The following CFAP95 variants were observed in gnomAD, a reference collection of about 807,000 sequenced individuals.
CFAP95 encodes cilia- and flagella-associated protein 95.
the CFAP95 span, among the ~76,000 whole-genome samples, chr9:69,868,227 T>A: frequency 6.6e-6 from 1 of 151,912 alleles, no homozygotes; most frequent in East Asian, 1.9e-4. Flanking sequence ...ACTCCTAGAA[T>A]AAAACATAGA....
the CFAP95 span, chr9:69,906,117 G>A: frequency 6.2e-7 from 1 of 1,601,100 alleles, no homozygotes; most frequent in Non-Finnish European, 8.5e-7. Context: ...TTGACTAGTG[G>A]GCCTATTGTG....
At chr9:69,855,581 G>A in the CFAP95 span, among the ~76,000 whole-genome samples, 16 of 152,152 alleles carry the variant, frequency 1.1e-4, no homozygotes, top group Admixed American at 1.0e-3. Context: ...TGGCTGGGAG[G>A]ATAGTCATTC....
chr9:69,882,377 T>C, the CFAP95 span, among the ~76,000 whole-genome samples: 1 of 152,340 alleles, frequency 6.6e-6, no homozygotes, highest in African/African-American at 2.4e-5. Flanking sequence ...AAATATAAGA[T>C]CATGTCATGT....
the CFAP95 span, among the ~76,000 whole-genome samples, chr9:69,871,409 T>C: frequency 6.6e-6 from 1 of 152,024 alleles, no homozygotes; most frequent in East Asian, 1.9e-4. Context: ...TGAAAGGTTT[T>C]TGAGCATACG....
the CFAP95 span, among the ~76,000 whole-genome samples, chr9:69,892,764 A>G: frequency 2.0e-5 from 3 of 152,202 alleles, no homozygotes; most frequent in Non-Finnish European, 2.9e-5. Context: ...GCAGTCAGAC[A>G]TTGGAGAGAA....
the CFAP95 span, among the ~76,000 whole-genome samples, chr9:69,850,078 C>T: frequency 6.6e-6 from 1 of 152,132 alleles, no homozygotes; most frequent in African/African-American, 2.4e-5. Context: ...GCATGTGAGG[C>T]TGATACTAAA....
chr9:69,843,508 TCCTC>T, the CFAP95 span, among the ~76,000 whole-genome samples: 1 of 814 alleles, frequency 1.2e-3, no homozygotes, highest in Admixed American at 0.015. Flanking sequence ...CCTCCCCCCC[TCCTC>T]CTCCTCCTCC....
chr9:69,892,747 A>T, the CFAP95 span, among the ~76,000 whole-genome samples: 1 of 152,226 alleles, frequency 6.6e-6, no homozygotes, highest in South Asian at 2.1e-4. Context: ...AGGAGAGAAG[A>T]GAAAAAGCAG....
At chr9:69,905,938 CT>C in the CFAP95 span, 25 of 1,487,042 alleles carry the variant, frequency 1.7e-5, no homozygotes, top group African/African-American at 1.6e-4. Flanking sequence ...TATTATTTCT[CT>C]TTTTTCCCCC....
At chr9:69,856,855 T>A in the CFAP95 span, among the ~76,000 whole-genome samples, 1 of 152,030 alleles carries the variant, frequency 6.6e-6, no homozygotes, top group Admixed American at 6.6e-5. Context: ...TTTTCGTCAA[T>A]TGTTTACCAA....
the CFAP95 span, among the ~76,000 whole-genome samples, chr9:69,855,280 G>A: frequency 3.9e-5 from 6 of 152,282 alleles, no homozygotes; most frequent in African/African-American, 1.4e-4. Flanking sequence ...TTTTCAAAGA[G>A]TTGGTTGATT....
the CFAP95 span, among the ~76,000 whole-genome samples, chr9:69,897,364 G>T: frequency 2.6e-5 from 4 of 152,154 alleles, no homozygotes; most frequent in Non-Finnish European, 5.9e-5. Flanking sequence ...AGGTTAGTTT[G>T]CACTGACTAA....
At chr9:69,882,101 G>A in the CFAP95 span, among the ~76,000 whole-genome samples, 1 of 151,952 alleles carries the variant, frequency 6.6e-6, no homozygotes, top group African/African-American at 2.4e-5. Context: ...TCCTGCCTCA[G>A]CCACCTGAAT....
chr9:69,859,081 G>C, the CFAP95 span, among the ~76,000 whole-genome samples: 25 of 152,148 alleles, frequency 1.6e-4, no homozygotes, highest in East Asian at 4.8e-3. Context: ...TCTGCTGGAC[G>C]TGGTGAACCT....
the CFAP95 span, among the ~76,000 whole-genome samples, chr9:69,873,164 T>G: frequency 1.3e-5 from 2 of 152,106 alleles, no homozygotes; most frequent in Non-Finnish European, 2.9e-5. Flanking sequence ...AGTCAGAAAT[T>G]TGGGAGGCAT....
chr9:69,885,495 A>C, the CFAP95 span, among the ~76,000 whole-genome samples: 1 of 152,296 alleles, frequency 6.6e-6, no homozygotes, highest in East Asian at 1.9e-4. Flanking sequence ...TGTGAATCTA[A>C]GGCCAAGTCT....
the CFAP95 span, among the ~76,000 whole-genome samples, chr9:69,885,415 G>A: frequency 1.3e-5 from 2 of 152,080 alleles, no homozygotes; most frequent in African/African-American, 4.8e-5. Flanking sequence ...AGGTTTCTCT[G>A]GTTTCTTTTA....
At chr9:69,884,016 G>C in the CFAP95 span, among the ~76,000 whole-genome samples, 1 of 151,996 alleles carries the variant, frequency 6.6e-6, no homozygotes, top group Non-Finnish European at 1.5e-5. Flanking sequence ...CTTTTTTGAT[G>C]TAGGCACTTA....
chr9:69,834,042 G>A, the CFAP95 span, among the ~76,000 whole-genome samples: 25,316 of 152,156 alleles, frequency 0.17, 2,620 homozygotes, highest in Admixed American at 0.24. Flanking sequence ...AATTATTTAA[G>A]CCAGTAAGAT....
Sources: allele counts gnomAD v4.1 joint callset (sites outside exome capture counted in the v4.1 genomes callset), GRCh38; gene constraint gnomAD v4.1.1; transcripts MANE v1.5; gene names NCBI Gene and HGNC (gene_info 2026-07-23, HGNC 2026-07-21).